Variants in CNN2 observed in about 807,000 individuals in gnomAD.
The protein encoded by CNN2 is calponin-2.
CNN2 carries 21 observed loss-of-function variants against 31.0 expected under a neutral mutation model. The ratio of observed to expected loss-of-function variants is 0.68; its 90% CI spans 0.48 to 0.98. The LOEUF is 0.98. Ranked by LOEUF, CNN2 falls within the 50% of genes least tolerant of loss-of-function variation. The pLI, the probability that CNN2 is intolerant of heterozygous loss-of-function variation, is 0.00. For missense variants in CNN2, 399 were observed against 427.3 expected, an observed-to-expected ratio of 0.93 and a Z score of 0.58; for synonymous variants, 165 against 179.6, an observed-to-expected ratio of 0.92 and a Z score of 0.65.
intron 2 of CNN2, among the ~76,000 whole-genome samples, chr19:1,032,097 A>G (rs908906746): frequency 2.6e-5 from 4 of 151,782 alleles, no homozygotes. Flanking sequence ...GTGTGGTGGC[A>G]GGCACCTGTA....
Position 1,031,340 on chromosome 19 carries a change from G to GGGGGGGA in CNN2, c.185+148_185+149insGGGGGGA. 8 of 217,718 alleles carry GGGGGGGA rather than the reference G, an allele frequency of 3.7e-5. 1 individual carries two copies. Among genetic ancestry groups the GGGGGGGA allele is most frequent in the South Asian group, 5.8e-5 (1 of 17,280 alleles). 13.5% of individuals were successfully genotyped at this position (217,718 alleles called of 1,614,324 possible). ...GCACTTTTGGAGGCCGAGGGTGGTGGCGGGGGGCGGTGGATCTCGAGGTCA... is the reference window on the plus strand; with the variant it reads ...GCACTTTTGGAGGCCGAGGGTGGTGGGGGGGGACGGGGGGCGGTGGATCTCGAGGTCA... On this transcript the variant is annotated intron_variant, in intron 2 of 6. Coordinates refer to ENST00000263097, the MANE Select transcript of CNN2 (RefSeq NM_004368.4).
chr19:1,031,873 C>T (rs2039503871), intron 2 of CNN2, among the ~76,000 whole-genome samples: 1 of 152,020 alleles, frequency 6.6e-6, no homozygotes, highest in Non-Finnish European at 1.5e-5. Context: ...CTGCCTCGGC[C>T]TTCCAAAGTG....
chr19:1,036,798 C>T (rs1195188237), intron 6 of CNN2: 2 of 614,716 alleles, frequency 3.3e-6, no homozygotes, highest in African/African-American at 3.7e-5. Flanking sequence ...TGTCATTTTC[C>T]CTTAAGGACT....
intron 3 of CNN2, 31 bp from the exon 4 acceptor site, chr19:1,032,528 C>T: frequency 2.5e-6 from 4 of 1,613,464 alleles, no homozygotes; most frequent in African/African-American, 1.3e-5. Context: ...GACTGAGGCC[C>T]ACTCACTGTC....
intron 2 of CNN2, 126 bp from the exon 3 acceptor site, chr19:1,032,266 G>T: frequency 9.3e-7 from 1 of 1,079,328 alleles, no homozygotes; most frequent in South Asian, 1.4e-5. Flanking sequence ...GGAAACTGAG[G>T]CCCAGAGAGA....
chr19:1,033,727 G>C (rs373930901), intron 4 of CNN2, among the ~76,000 whole-genome samples: 3 of 88,474 alleles, frequency 3.4e-5, no homozygotes, highest in South Asian at 5.3e-4. Flanking sequence ...GGTGGGACAC[G>C]GTGTCTGGTG....
At chr19:1,031,299 C>T in intron 2 of CNN2, 107 bp downstream of exon 2, 2 of 646,900 alleles carry the variant, frequency 3.1e-6, no homozygotes, top group Non-Finnish European at 4.0e-6. Flanking sequence ...TGGCCTGGCT[C>T]ATGCCTGTAA....
chr19:1,031,291 GC>G, intron 2 of CNN2, 99 bp downstream of exon 2: 1 of 942,806 alleles, frequency 1.1e-6, no homozygotes, highest in Admixed American at 3.9e-5. Flanking sequence ...GCCGGGCATG[GC>G]CTGGCTCATG....
At chr19:1,032,480 G>A (rs1267021251) in intron 3 of CNN2, 22 bp downstream of exon 3, 3 of 1,613,514 alleles carry the variant, frequency 1.9e-6, no homozygotes, top group African/African-American at 2.7e-5. Context: ...GTGGAGCGGA[G>A]CAGGGATGGT....
rs2039630154 is a variant in CNN2 at position 1,038,102 on chromosome 19, G to C, written c.*202G>C. 2 of 583,178 alleles carry C rather than the reference G, an allele frequency of 3.4e-6. No individual in the cohort carries two copies. The highest frequency in any genetic ancestry group is 6.7e-5 in the Admixed American group (2 of 29,980). 36.1% of individuals were successfully genotyped at this position (583,178 alleles called of 1,614,324 possible). ...TCGCAAGGCTGAGCCACTGGGCTGT[G>C]GGGGAAGGGGTCAAGGCCATATCCC... On this transcript the variant is annotated 3_prime_UTR_variant, in exon 7 of 7. Transcript: ENST00000263097.
intron 1 of CNN2, chr19:1,027,054 C>T: frequency 1.1e-5 from 3 of 276,120 alleles, no homozygotes; most frequent in Non-Finnish European, 2.1e-5. Context: ...CCCACTCAAC[C>T]TTCGAGAAGG....
chr19:1,030,777 C>T (rs928207400), intron 1 of CNN2, among the ~76,000 whole-genome samples: 3 of 152,242 alleles, frequency 2.0e-5, no homozygotes, highest in East Asian at 3.9e-4. Context: ...GAGGCAGATC[C>T]GGCCAGGTTT....
In CNN2 at chr19:1,037,730, G is replaced by T; in HGVS notation, c.760G>T (p.Gly254Cys). 6.2e-7 allele frequency: 1 copy of T among 1,611,720 alleles called. No individual in the cohort carries two copies. The highest frequency in any genetic ancestry group is 1.1e-5 in the South Asian group (1 of 91,006). Residue 254 changes from glycine (G) to cysteine (C), a missense_variant, in exon 7 of 7, where the codon GGC becomes TGC. Coordinates refer to ENST00000263097, the MANE Select transcript of CNN2 (RefSeq NM_004368.4). ...SMSLQMGYTQ[G>C]ANQSGQVFGL... ...GTCCCTGCAGATGGGCTACACGCAG[G>T]GCGCCAACCAGAGCGGCCAGGTCTT... is the stretch of plus-strand genomic sequence containing the variant.
At chr19:1,032,257 G>T in intron 2 of CNN2, 135 bp from the exon 3 acceptor site, 2 of 956,580 alleles carry the variant, frequency 2.1e-6, no homozygotes, top group Non-Finnish European at 3.1e-6. Context: ...AAAAAGAGTG[G>T]AAACTGAGGC....
At chr19:1,029,966 T>C (rs1162721743) in intron 1 of CNN2, among the ~76,000 whole-genome samples, 3 of 152,166 alleles carry the variant, frequency 2.0e-5, no homozygotes, top group Non-Finnish European at 2.9e-5. Context: ...CCCAAAGTGC[T>C]GGGATTGTAG....
rs183655388 is a variant in CNN2 at position 1,030,355 on chromosome 19, G to A, written c.64-716G>A. On this transcript the variant is annotated intron_variant, in intron 1 of 6. Coordinates refer to ENST00000263097, the MANE Select transcript of CNN2 (RefSeq NM_004368.4). ...AAGAAGCAGGATGGGGGCCGGGCGC[G>A]GTGGCTCACACCTGTAATCCCAGCA... Among the ~76,000 whole-genome samples, 614 of 152,302 alleles carry A rather than the reference G, an allele frequency of 4.0e-3. 2 individuals are homozygous for A. Among genetic ancestry groups the A allele is most frequent in the South Asian group, 1.0e-2 (48 of 4,818 alleles).
intron 4 of CNN2, 69 bp from the exon 5 acceptor site, chr19:1,036,061 C>T: frequency 2.0e-6 from 3 of 1,506,676 alleles, no homozygotes; most frequent in Non-Finnish European, 2.7e-6. Context: ...TCTGTCCCGC[C>T]CCCAGGGCCT....
At chr19:1,027,679 C>T (rs2039420594) in intron 1 of CNN2, among the ~76,000 whole-genome samples, 1 of 152,116 alleles carries the variant, frequency 6.6e-6, no homozygotes, top group African/African-American at 2.4e-5. Context: ...CGGACAGGAC[C>T]GGGACCTGAC....
rs1350510843 is a variant in CNN2 at position 1,032,667 on chromosome 19, C to G, written c.361C>G (p.Gln121Glu). ...TGAGAGTGGGAACATGACGCAGGTG[C>G]AGGTGTCTCTTCTCGCCCTGGCGGG... ...LFESGNMTQV[Q>E]VSLLALAGKA... The change falls in exon 4 of 7, where the codon CAG becomes GAG. Residue 121 changes from glutamine (Q) to glutamate (E), a missense_variant. Coordinates refer to ENST00000263097, the MANE Select transcript of CNN2 (RefSeq NM_004368.4). The G allele has an allele frequency of 6.2e-7, 1 of 1,612,106 alleles. No homozygotes were observed. The highest frequency in any genetic ancestry group is 1.7e-5 in the Admixed American group (1 of 60,002).
Sources: allele counts gnomAD v4.1 joint callset (sites outside exome capture counted in the v4.1 genomes callset), GRCh38; gene constraint gnomAD v4.1.1; transcripts MANE v1.5; gene names NCBI Gene and HGNC (gene_info 2026-07-23, HGNC 2026-07-21).